The following RXRA variants were observed in gnomAD, a reference collection of about 807,000 sequenced individuals.
RXRA encodes retinoic acid receptor RXR-alpha.
In RXRA, 5 loss-of-function variants were observed where a neutral mutation model predicts 44.5. That is an observed-to-expected ratio of 0.11 (90% CI 0.06 to 0.24). The LOEUF (loss-of-function observed/expected upper bound fraction) is 0.24. RXRA is among the 10% of genes least tolerant of loss of function. RXRA has a pLI of 1.00. For missense variants in RXRA, 412 were observed against 646.5 expected, an observed-to-expected ratio of 0.64 and a Z score of 3.93; for synonymous variants, 291 against 271.4, an observed-to-expected ratio of 1.07 and a Z score of -0.71.
intron 1 of RXRA, among the ~76,000 whole-genome samples, chr9:134,352,207 G>A (rs1830230076): frequency 2.6e-5 from 4 of 152,146 alleles, no homozygotes; most frequent in Admixed American, 6.5e-5. Flanking sequence ...CTGATGAGAT[G>A]AGGAAAGGGG....
chr9:134,379,206 C>G, intron 1 of RXRA: 2 of 926,402 alleles, frequency 2.2e-6, no homozygotes, highest in Non-Finnish European at 2.6e-6. Context: ...CCTGCTTGTC[C>G]GTGCTTAACT....
At chr9:134,345,412 G>C (rs906131500) in intron 1 of RXRA, among the ~76,000 whole-genome samples, 8 of 152,218 alleles carry the variant, frequency 5.3e-5, no homozygotes, top group African/African-American at 9.7e-5. Flanking sequence ...TGCACTTCAG[G>C]CCCTACCCTG....
At chr9:134,368,380 A>G (rs979359055) in intron 1 of RXRA, among the ~76,000 whole-genome samples, 1 of 152,226 alleles carries the variant, frequency 6.6e-6, no homozygotes, top group Non-Finnish European at 1.5e-5. Flanking sequence ...CTGGGGCTGG[A>G]TAGCCCCTGC....
In RXRA at chr9:134,408,448, C is replaced by G; in HGVS notation, c.430+149C>G. 3.7e-6 allele frequency: 3 copies of G among 807,080 alleles called. No individual in the cohort carries two copies. In the East Asian group the frequency reaches 9.2e-5, roughly 25 times the overall value. The allele number at this position is 807,080 out of a possible 1,614,324, so 50.0% of individuals were successfully genotyped here. A position where few individuals can be genotyped will look rare whatever the true frequency, so the allele number is the denominator to read the frequency against. On this transcript the variant is annotated intron_variant, in intron 3 of 9. Coordinates refer to ENST00000481739, the MANE Select transcript of RXRA (RefSeq NM_002957.6). ...GCAGGTGCCTGGGCCATGCCCCACT[C>G]CCAGGGCTCCGCGAGGCCATTCCAG...
chr9:134,340,049 C>G (rs908323872), intron 1 of RXRA, among the ~76,000 whole-genome samples: 1 of 152,052 alleles, frequency 6.6e-6, no homozygotes, highest in African/African-American at 2.4e-5. Context: ...GTCTGTGTCC[C>G]TCTGTCCCTG....
chr9:134,350,014 CA>C (rs1830201559), intron 1 of RXRA, among the ~76,000 whole-genome samples: 1 of 151,886 alleles, frequency 6.6e-6, no homozygotes, highest in Admixed American at 6.6e-5. Context: ...TGCCTCTTTC[CA>C]GAGCACTTGC....
At chr9:134,367,140 C>T (rs566954672) in intron 1 of RXRA, among the ~76,000 whole-genome samples, 13 of 152,318 alleles carry the variant, frequency 8.5e-5, no homozygotes, top group Admixed American at 4.6e-4. Flanking sequence ...TTTAGAATTT[C>T]GAAGCACTTC....
intron 4 of RXRA, among the ~76,000 whole-genome samples, chr9:134,413,394 G>A (rs1831181749): frequency 6.6e-6 from 1 of 151,542 alleles, no homozygotes; most frequent in South Asian, 2.1e-4. Context: ...GTGTGCACGT[G>A]TGTGTGCATG....
At position 134,326,624 on chromosome 9, in the gene RXRA, T is replaced by G. The variant is rs1441368575; in HGVS notation, c.-8T>G. On this transcript the variant is annotated 5_prime_UTR_variant, in exon 1 of 10. Transcript: ENST00000481739. ...GCGCCGCCGGCCGGGCATGAGTTAGTCGCAGACATGGACACCAAACATTTC... is the reference window on the plus strand; with the variant it reads ...GCGCCGCCGGCCGGGCATGAGTTAGGCGCAGACATGGACACCAAACATTTC... The G allele has an allele frequency of 1.2e-5, 12 of 960,552 alleles. No individual in the cohort carries two copies. The highest frequency in any genetic ancestry group is 5.4e-4 in the Middle Eastern group (1 of 1,838). 59.5% of individuals were successfully genotyped at this position (960,552 alleles called of 1,614,324 possible). A position where few individuals can be genotyped will look rare whatever the true frequency, so the allele number is the denominator to read the frequency against.
chr9:134,404,032 G>C (rs1188519258), intron 2 of RXRA: 2 of 152,252 alleles, frequency 1.3e-5, no homozygotes, highest in Non-Finnish European at 2.9e-5. Flanking sequence ...GTCCAGCTTT[G>C]AGGCCTCAGC....
At chr9:134,401,409 C>A in intron 1 of RXRA, 1 of 669,290 alleles carries the variant, frequency 1.5e-6, no homozygotes. Context: ...CAGCCTAAAG[C>A]CGGGGTCAGG....
At chr9:134,393,151 G>A (rs1298484429) in intron 1 of RXRA, among the ~76,000 whole-genome samples, 1 of 152,204 alleles carries the variant, frequency 6.6e-6, no homozygotes, top group Non-Finnish European at 1.5e-5. Context: ...GGCGAGCTGG[G>A]CAGGGAGGGG....
chr9:134,347,302 T>C (rs1554748935), intron 1 of RXRA, among the ~76,000 whole-genome samples: 2 of 152,166 alleles, frequency 1.3e-5, no homozygotes, highest in African/African-American at 4.8e-5. Flanking sequence ...TTAATGAAAA[T>C]GTAAATTGCT....
intron 4 of RXRA, among the ~76,000 whole-genome samples, chr9:134,411,518 G>A (rs35945092): frequency 0.022 from 3,287 of 152,308 alleles, 64 homozygotes; most frequent in Admixed American, 0.047. Context: ...AGGTCTAAGG[G>A]CCAGCACCAG....
intron 6 of RXRA, chr9:134,427,114 C>T (rs1831446755): frequency 2.0e-6 from 2 of 984,144 alleles, no homozygotes; most frequent in African/African-American, 1.8e-5. Context: ...GAGGGGGCCT[C>T]TTCTAGATTA....
chr9:134,415,329 GC>G (rs1320489460), intron 4 of RXRA, among the ~76,000 whole-genome samples: 1 of 152,120 alleles, frequency 6.6e-6, no homozygotes, highest in East Asian at 1.9e-4. Context: ...GGCTTGCAGA[GC>G]CCCGAGACGG....
intron 6 of RXRA, chr9:134,427,185 G>A (rs35123561): frequency 6.8e-5 from 57 of 832,762 alleles, no homozygotes; most frequent in Non-Finnish European, 7.8e-5. Flanking sequence ...AAAAAAAAAA[G>A]AGGGTTCTGT....
At chr9:134,345,862 A>G (rs1177653251) in intron 1 of RXRA, among the ~76,000 whole-genome samples, 3 of 152,182 alleles carry the variant, frequency 2.0e-5, no homozygotes, top group Admixed American at 6.5e-5. Context: ...ACAGATGAAC[A>G]TGGAATGGGT....
intron 1 of RXRA, among the ~76,000 whole-genome samples, chr9:134,385,177 G>A (rs1054473902): frequency 6.6e-6 from 1 of 152,210 alleles, no homozygotes; most frequent in South Asian, 2.1e-4. Flanking sequence ...GGGTGGATGG[G>A]GACTTAGGAC....
Sources: gnomAD v4.1 joint callset for allele counts (sites outside exome capture counted in the v4.1 genomes callset) on GRCh38, gnomAD v4.1.1 for gene constraint, MANE v1.5 for transcripts, NCBI Gene and HGNC (gene_info 2026-07-23, HGNC 2026-07-21) for gene names.